UBE3C: variants seen among roughly 807,000 people sequenced by gnomAD.
The protein encoded by UBE3C is ubiquitin-protein ligase E3C.
A neutral mutation model predicts 129.4 loss-of-function variants in UBE3C; 42 were observed. The ratio of observed to expected loss-of-function variants is 0.32; its 90% CI spans 0.25 to 0.42. UBE3C has a LOEUF of 0.42. Ranked by LOEUF, UBE3C falls within the 10% of genes least tolerant of loss-of-function variation. UBE3C has a pLI of 1.00. For synonymous variants in UBE3C, 510 were observed against 492.4 expected (o/e 1.04, Z -0.47); for missense variants, 1,049 against 1,319.1 (o/e 0.80, Z 3.17).
chr7:157,169,125 A>G lies in UBE3C; in HGVS notation c.195+3A>G. 1 of 1,612,286 alleles carries G rather than the reference A, an allele frequency of 6.2e-7. No individual in the cohort carries two copies. The highest frequency in any genetic ancestry group is 8.5e-7 in the Non-Finnish European group (1 of 1,178,904). On this transcript the variant is annotated splice_donor_region_variant and intron_variant, in intron 3 of 22. Transcript: ENST00000348165. ...GCTATAGAGACAGAAAACAGCAAGT[A>G]AGTTTGTTTTAAAATGAGGAGATTA...
chr7:157,225,758 G>A (rs1795858863), intron 17 of UBE3C, among the ~76,000 whole-genome samples: 1 of 152,146 alleles, frequency 6.6e-6, no homozygotes, highest in African/African-American at 2.4e-5. Context: ...AGGCCAGCCT[G>A]GGCAACATAC....
intron 8 of UBE3C, among the ~76,000 whole-genome samples, chr7:157,183,663 CTT>C (rs1009318005): frequency 4.3e-4 from 65 of 152,306 alleles, no homozygotes; most frequent in African/African-American, 1.5e-3. Context: ...ACAAGAGACT[CTT>C]TATCTTTCAA....
intron 22 of UBE3C, chr7:157,263,183 G>C (rs148432386): frequency 3.9e-5 from 6 of 152,602 alleles, no homozygotes; most frequent in African/African-American, 1.4e-4. Context: ...CGGAAAATCA[G>C]CTTAGTCTGC....
chr7:157,149,720 A>G (rs1439612021), intron 1 of UBE3C, among the ~76,000 whole-genome samples: 3 of 152,216 alleles, frequency 2.0e-5, no homozygotes, highest in African/African-American at 7.2e-5. Context: ...TCATAAGACC[A>G]TAGAATAGCC....
At chr7:157,211,531 G>A (rs1000316194) in intron 13 of UBE3C, among the ~76,000 whole-genome samples, 6 of 152,102 alleles carry the variant, frequency 3.9e-5, no homozygotes, top group Middle Eastern at 3.4e-3. Flanking sequence ...CAGAGGTTGC[G>A]AATTTTTTGT....
intron 17 of UBE3C, among the ~76,000 whole-genome samples, chr7:157,229,632 T>A (rs1563066008): frequency 6.6e-6 from 1 of 151,786 alleles, no homozygotes; most frequent in African/African-American, 2.4e-5. Context: ...TTGGGGTTTT[T>A]AAATTTTTAT....
intron 9 of UBE3C, among the ~76,000 whole-genome samples, chr7:157,184,537 TTG>T (rs1808756198): frequency 6.6e-6 from 1 of 152,204 alleles, no homozygotes; most frequent in Non-Finnish European, 1.5e-5. Context: ...CATACATAAT[TTG>T]TGTTTTACTT....
At chr7:157,165,276 C>T (rs893561437) in intron 2 of UBE3C, among the ~76,000 whole-genome samples, 4 of 151,884 alleles carry the variant, frequency 2.6e-5, no homozygotes, top group East Asian at 1.9e-4. Flanking sequence ...ACCTTTGCGT[C>T]GTTTCCCATA....
rs113701926 is a variant in UBE3C at position 157,161,934 on chromosome 7, A to G, written c.67-1876A>G. ...TAAAAATACAAGTTAGCCAGGTGTG[A>G]TGGTATGCACCCGTAGTCCCAGTTA... On this transcript the variant is annotated intron_variant, in intron 1 of 22. Transcript: ENST00000348165. 9.4e-3 allele frequency among the ~76,000 whole-genome samples: 1,429 copies of G among 151,750 alleles called. 14 individuals are homozygous for G. The highest frequency in any genetic ancestry group is 0.033 in the African/African-American group (1,363 of 41,460).
intron 14 of UBE3C, 53 bp from the exon 15 acceptor site, chr7:157,220,636 C>CA (rs1795712069): frequency 6.2e-7 from 1 of 1,606,638 alleles, no homozygotes; most frequent in Middle Eastern, 1.7e-4. Flanking sequence ...GTGATCAGGT[C>CA]AAAGTGTGTG....
chr7:157,216,779 T>C lies in UBE3C; in HGVS notation c.1810-88T>C, dbSNP rs962556854. 5 of 1,043,690 alleles carry C rather than the reference T, an allele frequency of 4.8e-6. No individual in the cohort carries two copies. In the Admixed American group the frequency reaches 6.5e-5, roughly 14 times the overall value. The allele number at this position is 1,043,690 out of a possible 1,614,324, so 64.7% of individuals were successfully genotyped here. Reference sequence around the variant, plus strand: ...GACCTGGGTTCCTGCACCACCGCTGTGTGCTCCTCCTCGAGTGAATGTATG... The same window carrying C: ...GACCTGGGTTCCTGCACCACCGCTGCGTGCTCCTCCTCGAGTGAATGTATG... On this transcript the variant is annotated intron_variant, in intron 13 of 22. Coordinates refer to ENST00000348165, the MANE Select transcript of UBE3C (RefSeq NM_014671.3).
chr7:157,258,768 A>G (rs544832423), intron 22 of UBE3C, among the ~76,000 whole-genome samples: 150 of 152,202 alleles, frequency 9.9e-4, no homozygotes, highest in African/African-American at 3.6e-3. Flanking sequence ...CCCCCCAAGT[A>G]TTTTTTTATA....
chr7:157,174,105 A>G (rs1263984739), intron 4 of UBE3C, among the ~76,000 whole-genome samples: 4 of 152,172 alleles, frequency 2.6e-5, no homozygotes, highest in Non-Finnish European at 5.9e-5. Context: ...GCTCACGTGT[A>G]TAATCCCAGC....
intron 2 of UBE3C, among the ~76,000 whole-genome samples, chr7:157,166,941 G>GGTT (rs59014357): frequency 0.44 from 65,382 of 149,778 alleles, 16,364 homozygotes; most frequent in African/African-American, 0.69. Flanking sequence ...TGGTGGTGGT[G>GGTT]GTTTTTGAGA....
chr7:157,194,842 A>T (rs1421937528), intron 10 of UBE3C, among the ~76,000 whole-genome samples: 1 of 152,228 alleles, frequency 6.6e-6, no homozygotes, highest in African/African-American at 2.4e-5. Flanking sequence ...CTTCAGTATT[A>T]GCTGAGGATA....
intron 10 of UBE3C, among the ~76,000 whole-genome samples, chr7:157,192,145 C>T (rs1808986276): frequency 6.6e-6 from 1 of 152,196 alleles, no homozygotes; most frequent in African/African-American, 2.4e-5. Flanking sequence ...TCGTCAGCTT[C>T]AGCAATATCA....
chr7:157,149,694 G>C (rs1360316148), intron 1 of UBE3C, among the ~76,000 whole-genome samples: 1 of 152,102 alleles, frequency 6.6e-6, no homozygotes, highest in Non-Finnish European at 1.5e-5. Context: ...TTAAAAGGTT[G>C]AAAAAATAGA....
At chr7:157,257,111 G>T (rs999442361) in intron 22 of UBE3C, 67 bp downstream of exon 22, 14 of 1,595,248 alleles carry the variant, frequency 8.8e-6, no homozygotes, top group Non-Finnish European at 1.1e-5. Context: ...AGAACATTCA[G>T]TAGGGTTAAA....
At chr7:157,150,920 C>A (rs564247932) in intron 1 of UBE3C, among the ~76,000 whole-genome samples, 1 of 152,240 alleles carries the variant, frequency 6.6e-6, no homozygotes, top group Non-Finnish European at 1.5e-5. Context: ...CTGGCCTGTT[C>A]ACAAGCCTGG....
Sources: allele counts gnomAD v4.1 joint callset (sites outside exome capture counted in the v4.1 genomes callset), GRCh38; gene constraint gnomAD v4.1.1; transcripts MANE v1.5; gene names NCBI Gene and HGNC (gene_info 2026-07-23, HGNC 2026-07-21).